PLEKHG1: variants seen among roughly 807,000 people sequenced by gnomAD.
PLEKHG1 encodes the protein pleckstrin homology and RhoGEF domain containing G1.
A neutral mutation model predicts 100.8 loss-of-function variants in PLEKHG1; 44 were observed. The ratio of observed to expected loss-of-function variants is 0.44; its 90% CI spans 0.34 to 0.56. The LOEUF (loss-of-function observed/expected upper bound fraction) is 0.56. Ranked by LOEUF, PLEKHG1 falls within the 20% of genes least tolerant of loss-of-function variation. The probability of loss-of-function intolerance (pLI) is 0.01; values close to 1 mark genes in which losing one functional copy is unlikely to be tolerated. For synonymous variants in PLEKHG1, 640 were observed against 662.5 expected (o/e 0.97, Z 0.52); for missense variants, 1,545 against 1,720.9 (o/e 0.90, Z 1.81).
chr6:150,742,507 A>G (rs969577434), intron 2 of PLEKHG1, among the ~76,000 whole-genome samples: 6 of 134,430 alleles, frequency 4.5e-5, no homozygotes, highest in East Asian at 4.8e-4. Context: ...AGAGGTTGCA[A>G]TGAGCCAAGA....
upstream of PLEKHG1, among the ~76,000 whole-genome samples, chr6:150,716,866 G>C (rs1289020589): frequency 6.6e-6 from 1 of 151,894 alleles, no homozygotes; most frequent in Non-Finnish European, 1.5e-5. Context: ...TTTTGTTTTT[G>C]TTTGAGACAG....
At chr6:150,641,299 G>A (rs1426433905) in intron 2 of PLEKHG1, among the ~76,000 whole-genome samples, 1 of 152,140 alleles carries the variant, frequency 6.6e-6, no homozygotes, top group Non-Finnish European at 1.5e-5. Context: ...AACCCTGATG[G>A]TTTCTGTGAA....
intron 1 of PLEKHG1, 93 bp from the exon 3 acceptor site, chr6:150,733,491 T>C: frequency 1.8e-6 from 2 of 1,104,426 alleles, no homozygotes; most frequent in Admixed American, 5.6e-5. Context: ...TGTTATTGAC[T>C]GTATTTATTT....
At chr6:150,706,655 G>A (rs1261438588) in intron 3 of PLEKHG1, among the ~76,000 whole-genome samples, 5 of 151,022 alleles carry the variant, frequency 3.3e-5, no homozygotes, top group Non-Finnish European at 7.4e-5. Context: ...CAGGAACTAT[G>A]ACACCAGTTA....
chr6:150,701,015 C>G (rs1215883766), intron 3 of PLEKHG1, among the ~76,000 whole-genome samples: 3 of 151,372 alleles, frequency 2.0e-5, no homozygotes, highest in African/African-American at 7.4e-5. Flanking sequence ...TAAGAAATCA[C>G]TGGTGTTAAA....
chr6:150,681,271 C>T (rs1779921820), intron 3 of PLEKHG1, among the ~76,000 whole-genome samples: 1 of 152,046 alleles, frequency 6.6e-6, no homozygotes, highest in African/African-American at 2.4e-5. Flanking sequence ...CCTGTAATCC[C>T]AGCACTTCGG....
intron 3 of PLEKHG1, among the ~76,000 whole-genome samples, chr6:150,695,743 A>G (rs1330607393): frequency 6.6e-6 from 1 of 152,242 alleles, no homozygotes; most frequent in East Asian, 1.9e-4. Context: ...AAAGCCATGC[A>G]CACCCAAATG....
chr6:150,688,669 C>G (rs1279564343), intron 3 of PLEKHG1, among the ~76,000 whole-genome samples: 1 of 152,096 alleles, frequency 6.6e-6, no homozygotes, highest in Non-Finnish European at 1.5e-5. Flanking sequence ...CTCATACTCT[C>G]CTGATAAATT....
chr6:150,700,271 C>A (rs1270105211), intron 3 of PLEKHG1, among the ~76,000 whole-genome samples: 1 of 152,184 alleles, frequency 6.6e-6, no homozygotes, highest in African/African-American at 2.4e-5. Flanking sequence ...GCAGAAGCCT[C>A]ATTCTGGAGC....
Position 150,623,067 on chromosome 6 carries a change from G to C in PLEKHG1, c.-203-15013G>C, listed in dbSNP as rs901682264. 6.6e-5 allele frequency among the ~76,000 whole-genome samples: 10 copies of C among 151,714 alleles called. No individual in the cohort carries two copies. The East Asian group carries it at 1.9e-3, about 29-fold the overall frequency. On this transcript the variant is annotated intron_variant, in intron 1 of 3. Transcript: ENST00000367326. ...GAAATGAGCGCAGAAGCTTGTTGAGGCCACTTCTGCTTCTGTTGTTTGTGT... is the reference window on the plus strand; with the variant it reads ...GAAATGAGCGCAGAAGCTTGTTGAGCCCACTTCTGCTTCTGTTGTTTGTGT...
intron 3 of PLEKHG1, among the ~76,000 whole-genome samples, chr6:150,774,531 ATTTTTTTTTTTTTT>A (rs61521577): frequency 4.6e-5 from 4 of 87,138 alleles, no homozygotes; most frequent in African/African-American, 7.5e-5. Flanking sequence ...ATTAGTTTGA[ATTTTTTTTTTTTTT>A]TTTTTTTTTT....
intron 2 of PLEKHG1, among the ~76,000 whole-genome samples, chr6:150,738,710 C>T (rs543652800): frequency 6.6e-6 from 1 of 152,288 alleles, no homozygotes; most frequent in East Asian, 1.9e-4. Flanking sequence ...CCTGTCCCCT[C>T]CCCAGCCGTG....
intron 3 of PLEKHG1, among the ~76,000 whole-genome samples, chr6:150,681,750 C>T (rs920735613): frequency 2.0e-5 from 3 of 152,072 alleles, no homozygotes; most frequent in Admixed American, 6.5e-5. Context: ...CCCAGCGATT[C>T]GGAGCCAACT....
chr6:150,779,251 C>T (rs1300578672), intron 3 of PLEKHG1, among the ~76,000 whole-genome samples: 1 of 152,028 alleles, frequency 6.6e-6, no homozygotes. Context: ...GACACTTCCT[C>T]CTACCAGGAA....
In PLEKHG1 at chr6:150,776,579, A is replaced by G. The variant is rs112910413; in HGVS notation, c.512+7841A>G. 2.8e-4 allele frequency among the ~76,000 whole-genome samples: 35 copies of G among 125,926 alleles called. 3 individuals carry two copies. Among genetic ancestry groups the G allele is most frequent in the Middle Eastern group, 4.7e-3 (1 of 212 alleles). 82.6% of individuals were successfully genotyped at this position (125,926 alleles called of 152,430 possible). On this transcript the variant is annotated intron_variant, in intron 3 of 15. Coordinates refer to ENST00000358517, the Ensembl canonical transcript of PLEKHG1. ...TGATGCAATCCTGGTGCACATGTGC[A>G]GTTGCACATTACTCACACTGATGCA...
At chr6:150,632,530 GC>G (rs1777803278) in intron 1 of PLEKHG1, among the ~76,000 whole-genome samples, 1 of 152,234 alleles carries the variant, frequency 6.6e-6, no homozygotes, top group Non-Finnish European at 1.5e-5. Flanking sequence ...GGCGAGTGTT[GC>G]CTGCATTGGC....
At chr6:150,601,589 A>G (rs1405511939) in intron 1 of PLEKHG1, among the ~76,000 whole-genome samples, 1 of 152,120 alleles carries the variant, frequency 6.6e-6, no homozygotes, top group African/African-American at 2.4e-5. Flanking sequence ...GTCTCATTTG[A>G]GGTCCCAATT....
At chr6:150,672,166 T>C (rs1368485971) in intron 3 of PLEKHG1, among the ~76,000 whole-genome samples, 1 of 152,138 alleles carries the variant, frequency 6.6e-6, no homozygotes, top group East Asian at 1.9e-4. Context: ...AAAGAACCCC[T>C]CTTTGGGTAA....
intron 3 of PLEKHG1, among the ~76,000 whole-genome samples, chr6:150,784,062 A>G (rs1250430753): frequency 1.3e-5 from 2 of 152,174 alleles, no homozygotes. Context: ...AAAGTTTAAG[A>G]ATTTCATAAT....
Sources: allele counts gnomAD v4.1 joint callset (sites outside exome capture counted in the v4.1 genomes callset), GRCh38; gene constraint gnomAD v4.1.1; transcripts MANE v1.5; gene names NCBI Gene and HGNC (gene_info 2026-07-23, HGNC 2026-07-21).